The following TPRG1 variants were observed in gnomAD, a reference collection of about 807,000 sequenced individuals.
The protein encoded by TPRG1 is tumor protein p63-regulated gene 1 protein.
Under a neutral mutation model 29.3 loss-of-function variants are expected in TPRG1, and 29 were observed. The observed-to-expected ratio is 0.99, with a 90% CI of 0.74 to 1.35. TPRG1 has a LOEUF of 1.35. TPRG1 is among the 40% of genes most tolerant of loss of function. The probability of loss-of-function intolerance (pLI) is 0.00; values close to 1 mark genes in which losing one functional copy is unlikely to be tolerated. For synonymous variants in TPRG1, 130 were observed against 116.8 expected (o/e 1.11, Z -0.73); for missense variants, 327 against 335.0 (o/e 0.98, Z 0.19).
At chr3:189,308,375 A>T (rs1357970439) in intron 4 of TPRG1, among the ~76,000 whole-genome samples, 1 of 152,230 alleles carries the variant, frequency 6.6e-6, no homozygotes, top group African/African-American at 2.4e-5. Flanking sequence ...CTGGTCATAA[A>T]GGCATCTGCA....
chr3:189,149,710 A>G (rs1337075386), intron 4 of TPRG1, among the ~76,000 whole-genome samples: 1 of 152,148 alleles, frequency 6.6e-6, no homozygotes, highest in Non-Finnish European at 1.5e-5. Context: ...CTCTCTCTGC[A>G]TGGTGGGGTC....
chr3:189,098,281 A>G (rs1718817919), upstream of TPRG1, among the ~76,000 whole-genome samples: 1 of 152,240 alleles, frequency 6.6e-6, no homozygotes, highest in Non-Finnish European at 1.5e-5. Context: ...AATGAAGAAA[A>G]ACAGGGACAA....
At chr3:189,003,864 A>T (rs710504) in intron 2 of TPRG1, among the ~76,000 whole-genome samples, 149,777 of 152,166 alleles carry the variant, frequency 0.98, 73,763 homozygotes, top group East Asian at 1. Context: ...TTTTTTCTGA[A>T]ACTCACAGCT....
chr3:189,142,440 ACCCCCTGC>A (rs1045766170), intron 3 of TPRG1, among the ~76,000 whole-genome samples: 7 of 151,956 alleles, frequency 4.6e-5, no homozygotes, highest in African/African-American at 1.2e-4. Context: ...TCTAGATCCT[ACCCCCTGC>A]CCCCATTTTC....
Position 189,141,345 on chromosome 3 carries a change from G to A in TPRG1, c.-290-6239G>A, listed in dbSNP as rs577832281. 1.3e-4 allele frequency among the ~76,000 whole-genome samples: 20 copies of A among 151,330 alleles called. No homozygotes were observed. In the South Asian group the frequency reaches 3.9e-3, roughly 29 times the overall value. On this transcript the variant is annotated intron_variant, in intron 3 of 6. Coordinates refer to the TPRG1 transcript ENST00000412373. ...CTTTGGGAGGTCAGGGGAAAATGGA[G>A]GGGAAGACATTCTAGCCATTCATTC...
rs1464252875 is a variant in TPRG1, at chr3:189,020,101, G to A, written c.-659-3649G>A. ...ATACCCCTTTATCATTTTTTATTGC[G>A]TCTATTTGATTCTTCTCTCTTTTTT... On this transcript the variant is annotated intron_variant, in intron 3 of 10. Transcript: ENST00000433971. Among the ~76,000 whole-genome samples, 65 of 152,046 alleles carry A rather than the reference G, an allele frequency of 4.3e-4. No homozygotes were observed. In the East Asian group the frequency reaches 6.8e-3, roughly 16 times the overall value.
At chr3:189,038,601 A>G (rs1340943133) in intron 4 of TPRG1, among the ~76,000 whole-genome samples, 3 of 152,144 alleles carry the variant, frequency 2.0e-5, no homozygotes, top group Non-Finnish European at 4.4e-5. Context: ...TTAAAAGTAT[A>G]ATGGGAAAAA....
chr3:189,131,723 T>C (rs1723132774), intron 2 of TPRG1, among the ~76,000 whole-genome samples: 1 of 152,200 alleles, frequency 6.6e-6, no homozygotes, highest in Non-Finnish European at 1.5e-5. Flanking sequence ...TTATCCTATA[T>C]TGGCTTTCAA....
chr3:189,068,083 T>G (rs1298209452), intron 4 of TPRG1, among the ~76,000 whole-genome samples: 1 of 152,176 alleles, frequency 6.6e-6, no homozygotes, highest in African/African-American at 2.4e-5. Context: ...CAATATCATT[T>G]ATCAGCAGAG....
intron 3 of TPRG1, among the ~76,000 whole-genome samples, chr3:189,230,203 A>G (rs1738422040): frequency 6.6e-6 from 1 of 152,178 alleles, no homozygotes; most frequent in Non-Finnish European, 1.5e-5. Context: ...CATTTAAAAT[A>G]TCCTCTTACT....
At chr3:189,214,295 G>A (rs1316056981) in intron 2 of TPRG1, among the ~76,000 whole-genome samples, 2 of 152,072 alleles carry the variant, frequency 1.3e-5, no homozygotes, top group South Asian at 2.1e-4. Flanking sequence ...AGTTATATTT[G>A]TTGAGACCAA....
chr3:189,312,666 C>A (rs945233206), intron 5 of TPRG1, among the ~76,000 whole-genome samples: 4 of 152,148 alleles, frequency 2.6e-5, no homozygotes, highest in African/African-American at 9.7e-5. Context: ...ATAACACTGT[C>A]ACATTCTAAC....
intron 4 of TPRG1, among the ~76,000 whole-genome samples, chr3:189,059,244 CCAGA>C (rs1715930721): frequency 6.6e-6 from 1 of 152,118 alleles, no homozygotes; most frequent in Non-Finnish European, 1.5e-5. Context: ...ACTTTCTGTG[CCAGA>C]CACAGTTCTT....
At chr3:189,115,742 C>T (rs1057154394) in intron 1 of TPRG1, among the ~76,000 whole-genome samples, 4 of 152,160 alleles carry the variant, frequency 2.6e-5, no homozygotes, top group Non-Finnish European at 4.4e-5. Flanking sequence ...AATTCTGTTA[C>T]TCTTTATCTT....
At chr3:189,293,386 G>T (rs1023397212) in intron 4 of TPRG1, among the ~76,000 whole-genome samples, 10 of 152,138 alleles carry the variant, frequency 6.6e-5, no homozygotes, top group African/African-American at 2.2e-4. Flanking sequence ...AAAACTGAGG[G>T]TTTCCTGATC....
At chr3:189,044,942 G>C (rs186357313) in intron 4 of TPRG1, among the ~76,000 whole-genome samples, 24 of 152,284 alleles carry the variant, frequency 1.6e-4, no homozygotes, top group African/African-American at 5.8e-4. Context: ...TTTGTTTTTT[G>C]ACAGTGTAAT....
intron 3 of TPRG1, among the ~76,000 whole-genome samples, chr3:189,221,928 G>A (rs1352932158): frequency 1.3e-5 from 2 of 152,160 alleles, no homozygotes; most frequent in Admixed American, 6.5e-5. Flanking sequence ...CTCTCTCCCA[G>A]GCCAGTTGTC....
At position 189,198,623 on chromosome 3, in the gene TPRG1, C is replaced by A. The variant is rs569474063; in HGVS notation, c.-9-8753C>A. Among the ~76,000 whole-genome samples the A allele has an allele frequency of 2.0e-5, 3 of 152,310 alleles. 1 individual carries two copies. The South Asian group carries it at 6.2e-4, about 32-fold the overall frequency. ...CACTGCCAAGGAACAGGCAGGGTAT[C>A]CATTCATCCATCCAAGAAATTTAAA... On this transcript the variant is annotated intron_variant, in intron 1 of 5. Transcript: ENST00000345063.
chr3:189,097,478 T>C (rs1718755679), upstream of TPRG1, among the ~76,000 whole-genome samples: 1 of 152,206 alleles, frequency 6.6e-6, no homozygotes, highest in Non-Finnish European at 1.5e-5. Flanking sequence ...CACAACTACT[T>C]TTTCTTGAGA....
Sources: allele counts gnomAD v4.1 joint callset (sites outside exome capture counted in the v4.1 genomes callset), GRCh38; gene constraint gnomAD v4.1.1; transcripts MANE v1.5; gene names NCBI Gene and HGNC (gene_info 2026-07-23, HGNC 2026-07-21).